EHHADH: variants seen among roughly 807,000 people sequenced by gnomAD.
The protein encoded by EHHADH is peroxisomal bifunctional enzyme.
EHHADH carries 48 observed loss-of-function variants against 64.4 expected under a neutral mutation model. That is an observed-to-expected ratio of 0.75 (90% confidence interval 0.59 to 0.95). EHHADH has a LOEUF of 0.95. Among genes scored for constraint, EHHADH ranks in the 40% least tolerant of loss-of-function variants. The probability of loss-of-function intolerance (pLI) is 0.00; values close to 1 mark genes in which losing one functional copy is unlikely to be tolerated. For synonymous variants in EHHADH, 308 were observed against 326.7 expected, an observed-to-expected ratio of 0.94 and a Z score of 0.62; for missense variants, 854 against 876.6, an observed-to-expected ratio of 0.97 and a Z score of 0.33.
In EHHADH at chr3:185,192,995, T is replaced by C; in HGVS notation, c.1403A>G (p.Lys468Arg). 1 of 1,614,234 alleles carries C rather than the reference T, an allele frequency of 6.2e-7. No individual in the cohort carries two copies. Among genetic ancestry groups the C allele is most frequent in the African/African-American group, 1.3e-5 (1 of 75,054 alleles). Residue 468 changes from lysine (K) to arginine (R), a missense_variant, in exon 7 of 7, where the codon AAG becomes AGG. Transcript: ENST00000231887. ...ACAGTTGCCTACAACGACTCCAATC[T>C]TTTTAATCTTTTTTGATAAGTTCAT... is the stretch of plus-strand genomic sequence containing the variant. ...TVMNLSKKIK[K>R]IGVVVGNCFG... is the part of the protein sequence containing the mutation.
intron 3 of EHHADH, 95 bp downstream of exon 3, chr3:185,235,195 T>C: frequency 8.0e-7 from 1 of 1,243,186 alleles, no homozygotes; most frequent in Non-Finnish European, 1.1e-6. Flanking sequence ...AACAAATAAA[T>C]AAAATAATCA....
chr3:185,233,831 A>G (rs572911986), intron 3 of EHHADH, among the ~76,000 whole-genome samples: 1 of 152,258 alleles, frequency 6.6e-6, no homozygotes, highest in South Asian at 2.1e-4. Context: ...TTTTTAGTAG[A>G]GACGGGGTTT....
chr3:185,242,087 C>CA (rs994247419), intron 2 of EHHADH, among the ~76,000 whole-genome samples: 1 of 151,590 alleles, frequency 6.6e-6, no homozygotes, highest in South Asian at 2.1e-4. Flanking sequence ...AAAATAGCTG[C>CA]AAAAAAATAA....
intron 4 of EHHADH, among the ~76,000 whole-genome samples, chr3:185,228,259 T>A (rs200895401): frequency 0.18 from 3,783 of 21,552 alleles, 135 homozygotes; most frequent in Non-Finnish European, 0.29. Flanking sequence ...AAAAAAAAAA[T>A]ATATATATAT....
At chr3:185,253,857 T>C (rs1719819918) in intron 1 of EHHADH, 92 bp downstream of exon 1, 6 of 1,556,754 alleles carry the variant, frequency 3.9e-6, no homozygotes, top group African/African-American at 1.4e-5. Context: ...TCCTTCTCGG[T>C]TTAAACCGAC....
In EHHADH at chr3:185,232,936, AAAC is replaced by A. The variant is rs1433752200; in HGVS notation, c.351+2351_351+2353del. 2.0e-5 allele frequency among the ~76,000 whole-genome samples: 3 copies of A among 152,238 alleles called. No individual in the cohort carries two copies. The East Asian group carries it at 5.8e-4, about 29-fold the overall frequency. On this transcript the variant is annotated intron_variant, in intron 3 of 6. Coordinates refer to ENST00000231887, the MANE Select transcript of EHHADH (RefSeq NM_001966.4). ...AATTAACACATTTCCAGATAAAGAA[AAAC>A]TGATTTTGTTGTTAGTATATTTGCC...
At position 185,193,293 on chromosome 3, in the gene EHHADH, C is replaced by T. The variant is rs757709975; in HGVS notation, c.1105G>A (p.Val369Met). ...SGPKPRLTSS[V>M]KELGGVDLVI... Reference sequence around the variant, plus strand: ...AAATCTACACCACCAAGCTCCTTCACAGATGAAGTTAACCTGGGTTTTGGT... The same window carrying T: ...AAATCTACACCACCAAGCTCCTTCATAGATGAAGTTAACCTGGGTTTTGGT... The change falls in exon 7 of 7, where the codon GTG becomes ATG. Residue 369 changes from valine to methionine, a missense_variant. By Grantham distance (21) the Val-to-Met change is conservative. Coordinates refer to ENST00000231887, the MANE Select transcript of EHHADH (RefSeq NM_001966.4). 1.9e-6 allele frequency: 3 copies of T among 1,607,638 alleles called. No individual in the cohort carries two copies. In the African/African-American group the frequency reaches 4.0e-5, roughly 22 times the overall value.
chr3:185,217,547 GAAAAAAAAA>G (rs755192275), intron 5 of EHHADH, among the ~76,000 whole-genome samples: 1 of 88,106 alleles, frequency 1.1e-5, no homozygotes, highest in South Asian at 5.3e-4. Flanking sequence ...CTCTGTCTCA[GAAAAAAAAA>G]AAAAAAAAAA....
rs183258582 is a variant in EHHADH, at chr3:185,235,296, G to A, written c.345C>T (p.His115=). 1.1e-4 allele frequency: 182 copies of A among 1,610,374 alleles called. No homozygotes were observed. The highest frequency in any genetic ancestry group is 8.0e-4 in the South Asian group (72 of 90,520). ...ATAGAGCCTTGGTTGTTACCTCTGCGTGGGCAATCCTATAGTGACAGCCCA... is the reference window on the plus strand; with the variant it reads ...ATAGAGCCTTGGTTGTTACCTCTGCATGGGCAATCCTATAGTGACAGCCCA... ...LALGCHYRIA[H]AEAQVGLPEV... Residue 115 remains histidine (H), a synonymous_variant, in exon 3 of 7, where the codon CAC becomes CAT. Transcript: ENST00000231887.
intron 2 of EHHADH, among the ~76,000 whole-genome samples, chr3:185,241,185 AGTTT>A (rs1160252968): frequency 1.3e-5 from 2 of 152,096 alleles, no homozygotes; most frequent in Non-Finnish European, 2.9e-5. Flanking sequence ...AAAATACCAC[AGTTT>A]GTTTATCCAC....
At chr3:185,206,141 T>C (rs1718383572) in intron 5 of EHHADH, among the ~76,000 whole-genome samples, 1 of 152,108 alleles carries the variant, frequency 6.6e-6, no homozygotes, top group African/African-American at 2.4e-5. Flanking sequence ...CACAGTGACA[T>C]GGTAACAGAT....
chr3:185,204,650 C>A lies in EHHADH; in HGVS notation c.676G>T (p.Gly226Trp). Residue 226 changes from glycine to tryptophan, a missense_variant, in exon 6 of 7, where the codon GGG becomes TGG. By Grantham distance (184) the Gly-to-Trp change is radical. Transcript: ENST00000231887. ...ACACAAGCCTCCTGTGCAAGACACC[C>A]AGGGTGCTGCCTCCGCATCTTCAAG... ...ALLKMRRQHP[G>W]CLAQEACVRA... 2 of 1,614,226 alleles carry A rather than the reference C, an allele frequency of 1.2e-6. No homozygotes were observed. Among genetic ancestry groups the A allele is most frequent in the Non-Finnish European group, 1.7e-6 (2 of 1,180,046 alleles).
At chr3:185,196,640 C>T (rs576637723) in intron 6 of EHHADH, among the ~76,000 whole-genome samples, 7 of 150,990 alleles carry the variant, frequency 4.6e-5, no homozygotes, top group Admixed American at 6.6e-5. Context: ...AATTCTGTCT[C>T]GAAAAAAAAG....
At position 185,192,248 on chromosome 3, in the gene EHHADH, C is replaced by G. The variant is rs764871930; in HGVS notation, c.2150G>C (p.Gly717Ala). The G allele has an allele frequency of 1.9e-6, 3 of 1,613,454 alleles. No individual in the cohort carries two copies. The highest frequency in any genetic ancestry group is 2.2e-5 in the East Asian group (1 of 44,884). The change falls in exon 7 of 7, where the codon GGC becomes GCC. Residue 717 changes from glycine to alanine, a missense_variant. Transcript: ENST00000231887. ...GAATCACAATTTACTGCTAGGGGAG[C>G]CTGCCAAGCTTTGCCATTCTTTCAG... ...PPLKEWQSLA[G>A]SPSSKL
chr3:185,214,796 C>T (rs1718639504), intron 5 of EHHADH, among the ~76,000 whole-genome samples: 1 of 152,128 alleles, frequency 6.6e-6, no homozygotes, highest in Non-Finnish European at 1.5e-5. Context: ...ATCGTTTTTA[C>T]ATAATTAATT....
intron 2 of EHHADH, among the ~76,000 whole-genome samples, chr3:185,236,786 C>G (rs1719308275): frequency 6.6e-6 from 1 of 152,160 alleles, no homozygotes; most frequent in Non-Finnish European, 1.5e-5. Flanking sequence ...ATCCAAGTCT[C>G]AAGCCTATCA....
intron 4 of EHHADH, among the ~76,000 whole-genome samples, chr3:185,228,873 A>C (rs907417080): frequency 2.6e-5 from 4 of 151,596 alleles, no homozygotes; most frequent in African/African-American, 9.7e-5. Context: ...GCGTAGTCTC[A>C]GCTCACCGCA....
At chr3:185,221,315 T>C (rs141087806) in intron 4 of EHHADH, among the ~76,000 whole-genome samples, 2 of 152,222 alleles carry the variant, frequency 1.3e-5, no homozygotes, top group Non-Finnish European at 2.9e-5. Context: ...AATTGTCTCA[T>C]GTGCTTTGAA....
intron 4 of EHHADH, among the ~76,000 whole-genome samples, chr3:185,226,283 G>A (rs73887842): frequency 8.9e-4 from 136 of 152,318 alleles, no homozygotes; most frequent in African/African-American, 3.0e-3. Context: ...AGAGGTCCCC[G>A]TACATAGGAA....
Sources: gnomAD v4.1 joint callset for allele counts (sites outside exome capture counted in the v4.1 genomes callset) on GRCh38, gnomAD v4.1.1 for gene constraint, MANE v1.5 for transcripts, NCBI Gene and HGNC (gene_info 2026-07-23, HGNC 2026-07-21) for gene names.